Variants in PSD3 observed in about 807,000 individuals in gnomAD.
PSD3 encodes PH and SEC7 domain-containing protein 3.
PSD3 carries 49 observed loss-of-function variants against 105.5 expected under a neutral mutation model. That is an observed-to-expected ratio of 0.46 (90% confidence interval 0.37 to 0.59). The LOEUF (loss-of-function observed/expected upper bound fraction) is 0.59, where lower values mean the gene tolerates loss of function less well. Among genes scored for constraint, PSD3 ranks in the 20% least tolerant of loss-of-function variants. PSD3 has a pLI of 0.00. For synonymous variants in PSD3, 557 were observed against 457.8 expected, an observed-to-expected ratio of 1.22 and a Z score of -2.77; for missense variants, 1,561 against 1,263.8, an observed-to-expected ratio of 1.24 and a Z score of -3.57.
chr8:18,592,493 C>T lies in PSD3; in HGVS notation c.2481+7871G>A, dbSNP rs190505174. On this transcript the variant is annotated intron_variant, in intron 12 of 15. Coordinates refer to ENST00000327040, the MANE Select transcript of PSD3 (RefSeq NM_015310.4). ...GAAATCTGAGGAAGGAAACAGACAT[C>T]CAGATTCGAGAAGCCTAATGACAAC... Among the ~76,000 whole-genome samples the T allele has an allele frequency of 7.9e-5, 12 of 152,194 alleles. No individual in the cohort carries two copies. In the East Asian group the frequency reaches 2.3e-3, roughly 29 times the overall value.
rs1294628098 is a variant in PSD3, at chr8:18,600,434, G to A, written c.2411C>T (p.Thr804Ile). The A allele has an allele frequency of 6.3e-7, 1 of 1,598,598 alleles. No homozygotes were observed. The highest frequency in any genetic ancestry group is 8.5e-7 in the Non-Finnish European group (1 of 1,174,270). ...TTTCCATCCTCGTTTTCCTCTTGGAGCTAGAAAGGGGGAAAAAATGTAAAA... is the reference window on the plus strand; with the variant it reads ...TTTCCATCCTCGTTTTCCTCTTGGAACTAGAAAGGGGGAAAAAATGTAAAA... ...KIHADMDGKK[T>I]PRGKRGWKTF... Residue 804 changes from threonine (T) to isoleucine (I), a missense_variant and splice_region_variant, in exon 12 of 16, where the codon ACT (threonine) becomes ATT (isoleucine). Thr to Ile is a moderately conservative substitution (Grantham distance 89, BLOSUM62 -1). Coordinates refer to ENST00000327040, the MANE Select transcript of PSD3 (RefSeq NM_015310.4).
intron 4 of PSD3, among the ~76,000 whole-genome samples, chr8:18,821,038 G>C (rs1413185752): frequency 6.6e-6 from 1 of 152,174 alleles, no homozygotes; most frequent in Non-Finnish European, 1.5e-5. Context: ...AAGGCATGGA[G>C]TCACTGCACC....
Position 18,865,266 on chromosome 8 carries a change from ATATATATATATATATATATATTTTT to A in PSD3, c.1634+2383_1634+2407del, listed in dbSNP as rs1401167170. On this transcript the variant is annotated intron_variant, in intron 4 of 15. Coordinates refer to ENST00000327040, the MANE Select transcript of PSD3 (RefSeq NM_015310.4). ...TATATATATATATATATATATATAT[ATATATATATATATATATATATTTTT>A]TTTTTTTTTTTTTTTTTTAAAGGCT... is the stretch of plus-strand genomic sequence containing the variant. The A allele has an allele frequency of 3.0e-3, 10 of 3,328 alleles. 1 individual carries two copies. The highest frequency in any genetic ancestry group is 0.062 in the East Asian group (2 of 32). 0.2% of individuals were successfully genotyped at this position (3,328 alleles called of 1,614,324 possible).
intron 11 of PSD3, among the ~76,000 whole-genome samples, chr8:18,631,258 G>A (rs140226029): frequency 2.0e-3 from 304 of 151,994 alleles, no homozygotes; most frequent in Non-Finnish European, 3.7e-3. Flanking sequence ...GAAACAAATG[G>A]GTATCTATTG....
At chr8:18,576,614 G>C (rs1220897355) in intron 12 of PSD3, among the ~76,000 whole-genome samples, 1 of 152,088 alleles carries the variant, frequency 6.6e-6, no homozygotes, top group East Asian at 1.9e-4. Flanking sequence ...ATTTTCATCA[G>C]AGTAGGAATT....
At chr8:18,791,849 G>A (rs1241934075) in intron 8 of PSD3, among the ~76,000 whole-genome samples, 1 of 152,124 alleles carries the variant, frequency 6.6e-6, no homozygotes, top group African/African-American at 2.4e-5. Flanking sequence ...CTAATACCCG[G>A]CACCTACAAG....
chr8:18,821,426 G>C (rs1300453070), intron 4 of PSD3, among the ~76,000 whole-genome samples: 2 of 151,888 alleles, frequency 1.3e-5, no homozygotes, highest in Non-Finnish European at 1.5e-5. Flanking sequence ...GCTGCACCTT[G>C]AGATTATAGG....
chr8:18,857,576 T>C (rs1816118933), intron 4 of PSD3, among the ~76,000 whole-genome samples: 2 of 152,208 alleles, frequency 1.3e-5, no homozygotes, highest in South Asian at 4.1e-4. Flanking sequence ...TGTATGATTC[T>C]AATGAGCAAT....
chr8:18,727,840 G>A (rs1193775302), intron 9 of PSD3, among the ~76,000 whole-genome samples: 1 of 152,104 alleles, frequency 6.6e-6, no homozygotes, highest in East Asian at 1.9e-4. Flanking sequence ...GTCCAAGTTT[G>A]TAACATATCC....
chr8:18,689,427 G>C (rs11203982), intron 9 of PSD3, among the ~76,000 whole-genome samples: 38,006 of 152,028 alleles, frequency 0.25, 7,512 homozygotes, highest in African/African-American at 0.52. Context: ...GTAGAAGGAG[G>C]TGAAGACTGA....
chr8:18,856,491 C>A (rs1028400857), intron 4 of PSD3, among the ~76,000 whole-genome samples: 17 of 152,182 alleles, frequency 1.1e-4, no homozygotes, highest in African/African-American at 4.1e-4. Flanking sequence ...ATTAATACTA[C>A]GTGCTGAATC....
intron 8 of PSD3, among the ~76,000 whole-genome samples, chr8:18,795,362 T>C (rs1468534278): frequency 6.6e-6 from 1 of 152,194 alleles, no homozygotes; most frequent in Non-Finnish European, 1.5e-5. Flanking sequence ...AACCAGGCTC[T>C]TATACCAATT....
At chr8:18,774,349 A>C (rs977330791) in intron 8 of PSD3, among the ~76,000 whole-genome samples, 23 of 152,180 alleles carry the variant, frequency 1.5e-4, no homozygotes, top group African/African-American at 5.3e-4. Context: ...CCATCTCCCC[A>C]AAAATTCACC....
intron 2 of PSD3, among the ~76,000 whole-genome samples, chr8:18,897,950 A>C (rs1432935175): frequency 6.6e-6 from 1 of 152,116 alleles, no homozygotes; most frequent in Non-Finnish European, 1.5e-5. Context: ...TATCTGGCTA[A>C]AACTTCTAGT....
intron 9 of PSD3, among the ~76,000 whole-genome samples, chr8:18,758,254 G>A (rs1342126590): frequency 6.6e-6 from 1 of 152,092 alleles, no homozygotes; most frequent in Non-Finnish European, 1.5e-5. Context: ...CAATGAGAGT[G>A]GGAAGATCAA....
intron 14 of PSD3, among the ~76,000 whole-genome samples, chr8:18,561,105 G>A (rs1474317149): frequency 6.6e-6 from 1 of 152,164 alleles, no homozygotes; most frequent in African/African-American, 2.4e-5. Context: ...CCAAAGAAAT[G>A]AAATCAGTAT....
intron 1 of PSD3, among the ~76,000 whole-genome samples, chr8:18,971,352 T>C (rs1563475707): frequency 1.3e-5 from 2 of 152,106 alleles, no homozygotes; most frequent in African/African-American, 2.4e-5. Context: ...CACCACGGCC[T>C]CCCCTCAGTG....
chr8:18,801,573 C>T (rs1253483593), intron 6 of PSD3, among the ~76,000 whole-genome samples, 191 bp from the exon 7 acceptor site: 1 of 152,002 alleles, frequency 6.6e-6, no homozygotes, highest in Non-Finnish European at 1.5e-5. Context: ...TATTTAAATT[C>T]TATAAAAAGC....
At chr8:18,906,912 T>C (rs1022002290) in intron 2 of PSD3, among the ~76,000 whole-genome samples, 13 of 152,256 alleles carry the variant, frequency 8.5e-5, no homozygotes, top group African/African-American at 3.1e-4. Context: ...CCTGGGTAGG[T>C]CCAGGCTAAT....
Sources: gnomAD v4.1 joint callset for allele counts (sites outside exome capture counted in the v4.1 genomes callset) on GRCh38, gnomAD v4.1.1 for gene constraint, MANE v1.5 for transcripts, NCBI Gene and HGNC (gene_info 2026-07-23, HGNC 2026-07-21) for gene names.